The following C13orf42 variants were observed in gnomAD, a reference collection of about 807,000 sequenced individuals.
C13orf42 encodes uncharacterized protein C13orf42.
At chr13:51,123,035 C>T (rs571671823) in intron 1 of C13orf42, among the ~76,000 whole-genome samples, 4 of 152,290 alleles carry the variant, frequency 2.6e-5, no homozygotes, top group Admixed American at 2.6e-4. Context: ...CTGTATCTCC[C>T]TAGCTAATCC....
chr13:51,130,643 T>C (rs1346641467), intron 1 of C13orf42, among the ~76,000 whole-genome samples: 3 of 151,918 alleles, frequency 2.0e-5, no homozygotes, highest in South Asian at 2.1e-4. Flanking sequence ...CTGGGACACA[T>C]GGAGTTAGAC....
chr13:51,157,421 G>A (rs1028446066), intron 1 of C13orf42, among the ~76,000 whole-genome samples: 5 of 152,090 alleles, frequency 3.3e-5, no homozygotes, highest in African/African-American at 7.3e-5. Flanking sequence ...GCGACAGAGC[G>A]AGACTCCATC....
At chr13:51,162,160 G>A (rs1953870179) in intron 1 of C13orf42, 9 of 254,768 alleles carry the variant, frequency 3.5e-5, no homozygotes, top group African/African-American at 1.1e-4. Context: ...TCTCACAAAT[G>A]GTATCTGTAT....
chr13:51,165,711 T>C (rs1953897780), intron 1 of C13orf42, among the ~76,000 whole-genome samples: 1 of 152,150 alleles, frequency 6.6e-6, no homozygotes, highest in Non-Finnish European at 1.5e-5. Context: ...GGAGTACTGA[T>C]CACCTTGACA....
chr13:51,153,565 C>T (rs1051290392), intron 1 of C13orf42, among the ~76,000 whole-genome samples: 12 of 150,372 alleles, frequency 8.0e-5, no homozygotes, highest in African/African-American at 2.0e-4. Flanking sequence ...TTTAAGTGTA[C>T]TGCTCAGTTG....
intron 1 of C13orf42, among the ~76,000 whole-genome samples, chr13:51,150,727 G>A (rs1953772185): frequency 1.3e-5 from 2 of 152,166 alleles, no homozygotes; most frequent in Admixed American, 1.3e-4. Flanking sequence ...TACTCGCAGA[G>A]AGACCCTCAA....
At chr13:51,089,403 C>T (rs1953160457) in intron 1 of C13orf42, among the ~76,000 whole-genome samples, 1 of 152,094 alleles carries the variant, frequency 6.6e-6, no homozygotes, top group South Asian at 2.1e-4. Context: ...CCCCACATGT[C>T]GAGGGAGAGA....
At chr13:51,127,874 G>T (rs1368329225) in intron 1 of C13orf42, among the ~76,000 whole-genome samples, 1 of 152,262 alleles carries the variant, frequency 6.6e-6, no homozygotes, top group East Asian at 1.9e-4. Context: ...ATGAGGCTGA[G>T]ACCTAATGGG....
chr13:51,083,520 G>C lies in C13orf42; in HGVS notation c.*631C>G, dbSNP rs1251128800. 6.6e-6 allele frequency: 1 copy of C among 152,244 alleles called. No homozygotes were observed. The highest frequency in any genetic ancestry group is 2.4e-5 in the African/African-American group (1 of 41,454). 9.4% of individuals were successfully genotyped at this position (152,244 alleles called of 1,614,324 possible). A position where few individuals can be genotyped will look rare whatever the true frequency, so the allele number is the denominator to read the frequency against. ...CTGAGTTTTGGGGCCTGAGGAAACA[G>C]TGTGGCCCCCAGGCAGGCTCGTGAC... is the stretch of plus-strand genomic sequence containing the variant. On this transcript the variant is annotated 3_prime_UTR_variant, in exon 4 of 4. Transcript: ENST00000563710.
intron 1 of C13orf42, among the ~76,000 whole-genome samples, chr13:51,107,734 C>T (rs951840428): frequency 6.6e-6 from 1 of 152,188 alleles, no homozygotes; most frequent in Non-Finnish European, 1.5e-5. Flanking sequence ...CACTTTTATG[C>T]TCTGGAGATA....
At chr13:51,087,824 G>A in intron 2 of C13orf42, 104 bp downstream of exon 2, 1 of 397,002 alleles carries the variant, frequency 2.5e-6, no homozygotes. Flanking sequence ...GATTCCTGAT[G>A]GCCTATTCTA....
chr13:51,100,201 A>C (rs1953274708), intron 1 of C13orf42, among the ~76,000 whole-genome samples: 1 of 152,224 alleles, frequency 6.6e-6, no homozygotes, highest in Admixed American at 6.5e-5. Context: ...ACTATTAAAA[A>C]AAGGATAATA....
intron 1 of C13orf42, among the ~76,000 whole-genome samples, chr13:51,104,192 A>G (rs1429298675): frequency 6.6e-6 from 1 of 152,224 alleles, no homozygotes; most frequent in Non-Finnish European, 1.5e-5. Flanking sequence ...ACTTTAATAA[A>G]GTGTCCTAAA....
At chr13:51,109,237 G>A (rs974397998) in intron 1 of C13orf42, among the ~76,000 whole-genome samples, 2 of 152,314 alleles carry the variant, frequency 1.3e-5, no homozygotes, top group South Asian at 4.1e-4. Flanking sequence ...ATAACATGCA[G>A]ACAGTTGAAA....
At chr13:51,090,529 A>G (rs988845415) in intron 1 of C13orf42, among the ~76,000 whole-genome samples, 5 of 152,200 alleles carry the variant, frequency 3.3e-5, no homozygotes, top group Admixed American at 2.0e-4. Flanking sequence ...CATGGAGGGC[A>G]CATCTCCAAG....
At chr13:51,135,070 C>T (rs1031195585) in intron 1 of C13orf42, among the ~76,000 whole-genome samples, 4 of 152,210 alleles carry the variant, frequency 2.6e-5, no homozygotes, top group African/African-American at 7.2e-5. Context: ...ACCTCTTGAA[C>T]CCTCGGGAGG....
chr13:51,131,173 G>A (rs190987086), intron 1 of C13orf42, among the ~76,000 whole-genome samples: 139 of 152,256 alleles, frequency 9.1e-4, no homozygotes, highest in African/African-American at 3.2e-3. Context: ...TGACAATTAA[G>A]TAAATTATAC....
At chr13:51,153,880 G>T (rs1213807955) in intron 1 of C13orf42, among the ~76,000 whole-genome samples, 1 of 151,774 alleles carries the variant, frequency 6.6e-6, no homozygotes, top group African/African-American at 2.4e-5. Context: ...GCAATCTACC[G>T]CCTCGGCCTC....
chr13:51,097,637 G>A (rs1346899363), intron 1 of C13orf42, among the ~76,000 whole-genome samples: 2 of 152,118 alleles, frequency 1.3e-5, no homozygotes, highest in Non-Finnish European at 2.9e-5. Flanking sequence ...CAAAGAGGTG[G>A]TTGTGCAAAA....
Sources: gnomAD v4.1 joint callset for allele counts (sites outside exome capture counted in the v4.1 genomes callset) on GRCh38, gnomAD v4.1.1 for gene constraint, MANE v1.5 for transcripts, NCBI Gene and HGNC (gene_info 2026-07-23, HGNC 2026-07-21) for gene names.